Variants in SLC9A4 observed in about 807,000 individuals in gnomAD.
SLC9A4 encodes solute carrier family 9 member A4.
In SLC9A4, 63 loss-of-function variants were observed where a neutral mutation model predicts 67.4. The ratio of observed to expected loss-of-function variants is 0.93; its 90% CI spans 0.76 to 1.15. The LOEUF is 1.15. Among genes scored for constraint, SLC9A4 ranks in the 50% most tolerant of loss-of-function variants. The probability of loss-of-function intolerance (pLI) is 0.00; values close to 1 mark genes in which losing one functional copy is unlikely to be tolerated. For synonymous variants in SLC9A4, 393 were observed against 367.2 expected (o/e 1.07, Z -0.80); for missense variants, 1,089 against 987.7 (o/e 1.10, Z -1.38).
At chr2:102,486,443 C>G (rs889665845) in intron 2 of SLC9A4, among the ~76,000 whole-genome samples, 1 of 152,212 alleles carries the variant, frequency 6.6e-6, no homozygotes, top group Non-Finnish European at 1.5e-5. Flanking sequence ...TCTATCTGAA[C>G]GTTGCAGTCT....
Position 102,508,904 on chromosome 2 carries a change from G to T in SLC9A4, c.1459G>T (p.Glu487Ter). ...GGATGTTAAAAAAACCAATAAAAAA[G>T]AATCCATCAATGAAGAGCTTCATAT... ...YLDVKKTNKK[E>*]SINEELHIRL... Residue 487 changes from glutamate to a stop codon, truncating the protein, a stop_gained, in exon 6 of 12, where the codon GAA (glutamate) becomes TAA (stop). Transcript: ENST00000295269. LOFTEE classifies it high-confidence loss of function. The T allele has an allele frequency of 1.2e-6, 2 of 1,612,668 alleles. No homozygotes were observed. The highest frequency in any genetic ancestry group is 1.7e-6 in the Non-Finnish European group (2 of 1,179,478).
chr2:102,479,520 C>T (rs543895617), intron 2 of SLC9A4, among the ~76,000 whole-genome samples: 2 of 152,186 alleles, frequency 1.3e-5, no homozygotes, highest in African/African-American at 4.8e-5. Context: ...CACAAACCAA[C>T]TAGTTTCGTT....
chr2:102,527,618 A>G (rs1674694562), intron 11 of SLC9A4, among the ~76,000 whole-genome samples: 1 of 152,182 alleles, frequency 6.6e-6, no homozygotes. Flanking sequence ...TTTGAGGTCA[A>G]ATTCATATAG....
intron 2 of SLC9A4, among the ~76,000 whole-genome samples, chr2:102,491,257 C>T (rs188728707): frequency 6.8e-6 from 1 of 146,932 alleles, no homozygotes; most frequent in Admixed American, 6.8e-5. Flanking sequence ...TGGTCGCTTG[C>T]TCACACTCTG....
In SLC9A4 at chr2:102,517,969, T is replaced by A. The variant is rs541810840; in HGVS notation, c.1722-1890T>A. Among the ~76,000 whole-genome samples, 6 of 152,360 alleles carry A rather than the reference T, an allele frequency of 3.9e-5. No homozygotes were observed. In the South Asian group the frequency reaches 1.2e-3, roughly 32 times the overall value. On this transcript the variant is annotated intron_variant, in intron 8 of 11. Transcript: ENST00000295269. ...TCTAAAGCTGTATCTCCTGTGTTTGTGCTGTGAGTATTTCAGGGACGATTT... is the reference window on the plus strand; with the variant it reads ...TCTAAAGCTGTATCTCCTGTGTTTGAGCTGTGAGTATTTCAGGGACGATTT...
At chr2:102,486,431 T>C (rs1177420965) in intron 2 of SLC9A4, among the ~76,000 whole-genome samples, 1 of 152,234 alleles carries the variant, frequency 6.6e-6, no homozygotes, top group African/African-American at 2.4e-5. Flanking sequence ...TCTTCGTGTC[T>C]GTCTATCTGA....
intron 2 of SLC9A4, among the ~76,000 whole-genome samples, chr2:102,496,985 G>A (rs543611639): frequency 4.6e-5 from 7 of 152,308 alleles, no homozygotes; most frequent in Admixed American, 3.9e-4. Flanking sequence ...GAGTGCAGTG[G>A]CATATCTCTG....
At chr2:102,480,540 C>T (rs7582118) in intron 2 of SLC9A4, among the ~76,000 whole-genome samples, 16,342 of 152,004 alleles carry the variant, frequency 0.11, 1,149 homozygotes, top group African/African-American at 0.2. Context: ...CTGATGAATG[C>T]GTCATTCAGG....
intron 11 of SLC9A4, among the ~76,000 whole-genome samples, chr2:102,531,339 C>T (rs550291526): frequency 6.6e-6 from 1 of 152,178 alleles, no homozygotes; most frequent in Non-Finnish European, 1.5e-5. Context: ...GAGAAATATT[C>T]CTTTGAAGAT....
intron 2 of SLC9A4, among the ~76,000 whole-genome samples, chr2:102,481,024 G>A (rs1245669741): frequency 6.6e-6 from 1 of 152,114 alleles, no homozygotes; most frequent in African/African-American, 2.4e-5. Flanking sequence ...AGGTTGGCAG[G>A]GACCTAAGAC....
intron 2 of SLC9A4, among the ~76,000 whole-genome samples, chr2:102,487,230 CAA>C (rs759350336): frequency 1.2e-4 from 17 of 146,516 alleles, no homozygotes; most frequent in African/African-American, 2.4e-4. Flanking sequence ...AGAAGTAAAC[CAA>C]GAGAGAGAGA....
At chr2:102,526,375 C>T (rs982603732) in intron 11 of SLC9A4, 29 bp downstream of exon 11, 23 of 1,604,812 alleles carry the variant, frequency 1.4e-5, no homozygotes, top group Admixed American at 1.0e-4. Context: ...TGCTCTGCTG[C>T]TTTTCTGTAG....
intron 1 of SLC9A4, among the ~76,000 whole-genome samples, chr2:102,476,407 A>C (rs921197916): frequency 6.6e-6 from 1 of 152,228 alleles, no homozygotes; most frequent in South Asian, 2.1e-4. Context: ...GAAAGGGAGA[A>C]GTTTTAAAAT....
chr2:102,503,461 T>A lies in SLC9A4; in HGVS notation c.734T>A (p.Met245Lys). The A allele has an allele frequency of 2.5e-6, 4 of 1,609,694 alleles. No homozygotes were observed. The highest frequency in any genetic ancestry group is 3.4e-6 in the Non-Finnish European group (4 of 1,176,824). Residue 245 changes from methionine to lysine, a missense_variant, in exon 3 of 12, where the codon ATG becomes AAG. Transcript: ENST00000295269. Reference protein sequence around the residue: ...NDGITVVLYNMLIAFTKMHKF... With the variant: ...NDGITVVLYNKLIAFTKMHKF... ...TTTTTTGCCTAGGTCTTATACAATA[T>A]GTTAATTGCCTTTACAAAGATGCAT...
At chr2:102,526,077 G>T (rs1446396571) in intron 10 of SLC9A4, among the ~76,000 whole-genome samples, 182 bp from the exon 11 acceptor site, 2 of 152,082 alleles carry the variant, frequency 1.3e-5, no homozygotes, top group South Asian at 2.1e-4. Context: ...TAGTAGAGAC[G>T]GGGTTTCACC....
chr2:102,532,102 G>T lies in SLC9A4; in HGVS notation c.2039-228G>T, dbSNP rs187424941. 1.7e-3 allele frequency among the ~76,000 whole-genome samples: 261 copies of T among 152,256 alleles called. 1 individual carries two copies. The highest frequency in any genetic ancestry group is 5.7e-3 in the African/African-American group (237 of 41,540). ...GGAGACTGGCTTGATACAGCATTTT[G>T]CATGCATTTCTATTTATTTATGACA... On this transcript the variant is annotated intron_variant, in intron 11 of 11. Transcript: ENST00000295269.
Position 102,490,744 on chromosome 2 carries a change from A to G in SLC9A4, c.720+11442A>G, listed in dbSNP as rs187834102. 1.2e-3 allele frequency among the ~76,000 whole-genome samples: 180 copies of G among 152,300 alleles called. 1 individual carries two copies. The highest frequency in any genetic ancestry group is 4.1e-3 in the African/African-American group (172 of 41,560). ...GCTGCTTTTAGGAATTTCAGAAGCA[A>G]AAGTTCATAGATCTTTTACCATCAG... is the stretch of plus-strand genomic sequence containing the variant. On this transcript the variant is annotated intron_variant, in intron 2 of 11. Transcript: ENST00000295269.
chr2:102,483,518 C>G (rs537706006), intron 2 of SLC9A4, among the ~76,000 whole-genome samples: 1 of 152,266 alleles, frequency 6.6e-6, no homozygotes, highest in South Asian at 2.1e-4. Flanking sequence ...CACGAAAGAG[C>G]TGCCTTCCCA....
Position 102,512,913 on chromosome 2 carries a change from G to T in SLC9A4, c.1559+640G>T, listed in dbSNP as rs77302492. The stretch of plus-strand genomic sequence containing the variant: ...AGGCAAGGAAAAGAAAGTGCGGAAG[G>T]AGATTGAGAAGAAGTGGTCAGAGAG... On this transcript the variant is annotated intron_variant, in intron 7 of 11. Coordinates refer to ENST00000295269, the MANE Select transcript of SLC9A4 (RefSeq NM_001011552.4). Among the ~76,000 whole-genome samples, 1,173 of 152,288 alleles carry T rather than the reference G, an allele frequency of 7.7e-3. 9 individuals are homozygous for T. The highest frequency in any genetic ancestry group is 0.022 in the African/African-American group (934 of 41,550).
Sources: gnomAD v4.1 joint callset for allele counts (sites outside exome capture counted in the v4.1 genomes callset) on GRCh38, gnomAD v4.1.1 for gene constraint, MANE v1.5 for transcripts, NCBI Gene and HGNC (gene_info 2026-07-23, HGNC 2026-07-21) for gene names.